The following CCBE1 variants were observed in gnomAD, a reference collection of about 807,000 sequenced individuals.
CCBE1 encodes the protein collagen and calcium-binding EGF domain-containing protein 1.
A neutral mutation model predicts 50.0 loss-of-function variants in CCBE1; 37 were observed. The observed-to-expected ratio is 0.74, with a 90% CI of 0.57 to 0.97. The LOEUF (loss-of-function observed/expected upper bound fraction) is 0.97, where lower values mean the gene tolerates loss of function less well. Ranked by LOEUF, CCBE1 falls within the 50% of genes least tolerant of loss-of-function variation. The pLI, the probability that CCBE1 is intolerant of heterozygous loss-of-function variation, is 0.00. For synonymous variants in CCBE1, 234 were observed against 203.7 expected, an observed-to-expected ratio of 1.15 and a Z score of -1.27; for missense variants, 538 against 523.8, an observed-to-expected ratio of 1.03 and a Z score of -0.26.
rs774924698 is a variant in CCBE1 at position 59,431,426 on chromosome 18, G to A, written c.*4482C>T. ...ATTCCTCCAATAACTTTCCTTTTCA[G>A]GAAGGTTATTTGACAGATGTTAAGT... On this transcript the variant is annotated 3_prime_UTR_variant, in exon 11 of 11. Transcript: ENST00000439986. The A allele has an allele frequency of 5.9e-5, 9 of 152,176 alleles. No individual in the cohort carries two copies. Among genetic ancestry groups the A allele is most frequent in the Non-Finnish European group, 1.2e-4 (8 of 68,046 alleles). 9.4% of individuals were successfully genotyped at this position (152,176 alleles called of 1,614,324 possible).
chr18:59,676,969 G>A (rs1429559559), intron 2 of CCBE1, among the ~76,000 whole-genome samples: 6 of 152,208 alleles, frequency 3.9e-5, no homozygotes, highest in Non-Finnish European at 7.3e-5. Context: ...GGAGGATAGT[G>A]TAGGATGAAG....
chr18:59,446,830 C>T (rs1476979791), intron 7 of CCBE1, among the ~76,000 whole-genome samples: 3 of 152,196 alleles, frequency 2.0e-5, no homozygotes, highest in African/African-American at 4.8e-5. Flanking sequence ...ATTCTATTTG[C>T]ATATGCTCTA....
intron 2 of CCBE1, among the ~76,000 whole-genome samples, chr18:59,633,654 T>C (rs1201447851): frequency 6.6e-6 from 1 of 151,898 alleles, no homozygotes; most frequent in Non-Finnish European, 1.5e-5. Context: ...CTGTCTACAT[T>C]GTTAAGAGGT....
chr18:59,640,981 AT>A (rs370359163), intron 2 of CCBE1, among the ~76,000 whole-genome samples: 2 of 151,486 alleles, frequency 1.3e-5, no homozygotes, highest in Non-Finnish European at 3.0e-5. Context: ...AAAATAACTG[AT>A]GCTGGTGAGG....
At chr18:59,442,886 G>C (rs1191233138) in intron 7 of CCBE1, among the ~76,000 whole-genome samples, 1 of 152,142 alleles carries the variant, frequency 6.6e-6, no homozygotes, top group African/African-American at 2.4e-5. Context: ...CATGGGGTGA[G>C]TGCTCTCTGG....
At chr18:59,694,384 A>T (rs2054777877) in intron 2 of CCBE1, among the ~76,000 whole-genome samples, 1 of 152,176 alleles carries the variant, frequency 6.6e-6, no homozygotes, top group African/African-American at 2.4e-5. Flanking sequence ...CTGGTTCTTT[A>T]TCTCACTTTA....
intron 2 of CCBE1, among the ~76,000 whole-genome samples, chr18:59,594,490 C>T (rs59705129): frequency 0.069 from 10,529 of 152,224 alleles, 1,095 homozygotes; most frequent in African/African-American, 0.22. Flanking sequence ...TGGTTGCACG[C>T]GTACTTAATG....
intron 2 of CCBE1, among the ~76,000 whole-genome samples, chr18:59,491,290 T>A (rs551327904): frequency 6.6e-6 from 1 of 152,288 alleles, no homozygotes; most frequent in Admixed American, 6.5e-5. Context: ...ACCCTGTAAA[T>A]TTTCTCTGCA....
intron 2 of CCBE1, among the ~76,000 whole-genome samples, chr18:59,675,874 G>T (rs1423343545): frequency 2.0e-5 from 3 of 152,198 alleles, no homozygotes; most frequent in Non-Finnish European, 4.4e-5. Flanking sequence ...AGGTCTCTAA[G>T]ATGTTCAACA....
intron 2 of CCBE1, among the ~76,000 whole-genome samples, chr18:59,606,832 G>A (rs1478773933): frequency 1.3e-5 from 2 of 152,164 alleles, no homozygotes; most frequent in Non-Finnish European, 2.9e-5. Context: ...TTCGACAGCT[G>A]TTCAAAGAAA....
chr18:59,514,515 G>A (rs1914278492), intron 2 of CCBE1, among the ~76,000 whole-genome samples: 1 of 152,054 alleles, frequency 6.6e-6, no homozygotes, highest in Non-Finnish European at 1.5e-5. Flanking sequence ...GGCTGGCCCA[G>A]ACTCCGAGGT....
rs1207284279 is a variant in CCBE1, at chr18:59,431,345, C to T, written c.*4563G>A. On this transcript the variant is annotated 3_prime_UTR_variant, in exon 11 of 11. Transcript: ENST00000439986. Reference sequence around the variant, plus strand: ...GCCAGGAAAAAATTCATCTATTTCCCTGAACTCATTATTAATAACTTTAGA... The same window carrying T: ...GCCAGGAAAAAATTCATCTATTTCCTTGAACTCATTATTAATAACTTTAGA... 6.6e-6 allele frequency: 1 copy of T among 152,130 alleles called. No homozygotes were observed. Among genetic ancestry groups the T allele is most frequent in the Non-Finnish European group, 1.5e-5 (1 of 68,038 alleles). The allele number at this position is 152,130 out of a possible 1,614,324, so 9.4% of individuals were successfully genotyped here.
At chr18:59,592,230 G>A (rs771056841) in intron 2 of CCBE1, among the ~76,000 whole-genome samples, 95 of 152,156 alleles carry the variant, frequency 6.2e-4, no homozygotes, top group Non-Finnish European at 9.7e-4. Context: ...GCAAGTCTGC[G>A]TCTCGAAAAA....
chr18:59,526,385 C>G (rs1351635014), intron 2 of CCBE1, among the ~76,000 whole-genome samples: 1 of 150,872 alleles, frequency 6.6e-6, no homozygotes, highest in Non-Finnish European at 1.5e-5. Flanking sequence ...TCTCGGCTCA[C>G]TGCAACCTCC....
chr18:59,644,020 C>T lies in CCBE1; in HGVS notation c.212+52609G>A, dbSNP rs149545263. 3.6e-3 allele frequency among the ~76,000 whole-genome samples: 548 copies of T among 152,284 alleles called. 6 individuals carry two copies. The highest frequency in any genetic ancestry group is 6.4e-3 in the Non-Finnish European group (432 of 68,030). On this transcript the variant is annotated intron_variant, in intron 2 of 10. Coordinates refer to ENST00000439986, the MANE Select transcript of CCBE1 (RefSeq NM_133459.4). ...AGCAGTCTATGGCACTGGTCCCCAA[C>T]CTTTTTGGTACCAGGGACTGGTTTC... is the stretch of plus-strand genomic sequence containing the variant.
intron 2 of CCBE1, among the ~76,000 whole-genome samples, chr18:59,611,160 G>A (rs1362208263): frequency 6.6e-6 from 1 of 152,212 alleles, no homozygotes; most frequent in Non-Finnish European, 1.5e-5. Context: ...CAATGTATGA[G>A]CAACGCAGTC....
rs764044017 is a variant in CCBE1 at position 59,454,938 on chromosome 18, A to G, written c.567T>C (p.Ser189=). 1 of 1,613,898 alleles carries G rather than the reference A, an allele frequency of 6.2e-7. No individual in the cohort carries two copies. Residue 189 remains serine (S), a synonymous_variant, in exon 6 of 11, where the codon TCT becomes TCC. Transcript: ENST00000439986. ...KYPNDTGHEK[S]ENMVKAGTCC... is the part of the protein sequence containing the mutation. The stretch of plus-strand genomic sequence containing the variant: ...AAGTTCCGGCTTTCACCATGTTCTC[A>G]GACTTCTCATGGCCTGAGAAAGGAG...
chr18:59,682,969 T>C (rs1005961337), intron 2 of CCBE1, among the ~76,000 whole-genome samples: 1 of 152,272 alleles, frequency 6.6e-6, no homozygotes, highest in Admixed American at 6.5e-5. Flanking sequence ...CTTTCCTTTG[T>C]AAAGAAATTA....
intron 2 of CCBE1, among the ~76,000 whole-genome samples, chr18:59,499,924 G>C (rs1913537577): frequency 6.6e-6 from 1 of 152,158 alleles, no homozygotes; most frequent in African/African-American, 2.4e-5. Flanking sequence ...TTCCCTTTTA[G>C]GCCAGTATCT....
Sources: gnomAD v4.1 joint callset for allele counts (sites outside exome capture counted in the v4.1 genomes callset) on GRCh38, gnomAD v4.1.1 for gene constraint, MANE v1.5 for transcripts, NCBI Gene and HGNC (gene_info 2026-07-23, HGNC 2026-07-21) for gene names.